Variants in AVEN observed in about 807,000 individuals in gnomAD.
The protein encoded by AVEN is apoptosis and caspase activation inhibitor.
AVEN carries 41 observed loss-of-function variants against 38.1 expected under a neutral mutation model. The ratio of observed to expected loss-of-function variants is 1.08; its 90% CI spans 0.84 to 1.40. The LOEUF is 1.40. AVEN is among the 40% of genes most tolerant of loss of function. The pLI is 0.00. For synonymous variants in AVEN, 206 were observed against 171.8 expected (o/e 1.20, Z -1.56); for missense variants, 605 against 438.8 (o/e 1.38, Z -3.38).
chr15:33,864,915 A>AT (rs1889945773), downstream of AVEN: 1 of 501,546 alleles, frequency 2.0e-6, no homozygotes, highest in Non-Finnish European at 3.5e-6. Flanking sequence ...GCAGAGGGGG[A>AT]TTTTTCTCCT....
At chr15:33,857,459 T>TA (rs1342053889), downstream of AVEN, among the ~76,000 whole-genome samples, 1 of 152,118 alleles carries the variant, frequency 6.6e-6, no homozygotes, top group Non-Finnish European at 1.5e-5. Flanking sequence ...TTGAAGGCTG[T>TA]ATCTCCATCT....
intron 2 of AVEN, among the ~76,000 whole-genome samples, chr15:33,990,065 G>A (rs1476255579): frequency 4.0e-5 from 6 of 151,868 alleles, no homozygotes; most frequent in South Asian, 2.1e-4. Flanking sequence ...TTAGCCGGGC[G>A]TGGTGGTGGG....
chr15:33,855,410 G>T (rs950796675), downstream of AVEN, among the ~76,000 whole-genome samples: 1 of 152,190 alleles, frequency 6.6e-6, no homozygotes, highest in Admixed American at 6.5e-5. Flanking sequence ...CACCATGTTG[G>T]CCAGGCTGGT....
chr15:34,014,367 T>TTA (rs1555516100), intron 1 of AVEN, among the ~76,000 whole-genome samples: 1 of 13,576 alleles, frequency 7.4e-5, no homozygotes, highest in African/African-American at 1.7e-4. Flanking sequence ...TCCATCTCAT[T>TTA]AAAAAAAAAA....
intron 1 of AVEN, among the ~76,000 whole-genome samples, chr15:34,006,085 G>GCAGATGA (rs1897325758): frequency 6.6e-6 from 1 of 152,230 alleles, no homozygotes; most frequent in South Asian, 2.1e-4. Context: ...GCCGAGGAGG[G>GCAGATGA]CAGATCACAA....
rs137895475 is a variant in AVEN at position 33,909,259 on chromosome 15, C to T, written c.446-33264G>A. ...CAGGAAAGCAAAAGCACCTTTACTT[C>T]CAACACCCAAGTGTGGCACAGGCTG... On this transcript the variant is annotated intron_variant, in intron 2 of 5. Coordinates refer to ENST00000306730, the MANE Select transcript of AVEN (RefSeq NM_020371.3). 3.3e-3 allele frequency among the ~76,000 whole-genome samples: 501 copies of T among 152,280 alleles called. 2 individuals carry two copies. The highest frequency in any genetic ancestry group is 6.0e-3 in the Non-Finnish European group (407 of 68,018).
intron 11 of AVEN, chr15:33,860,711 C>G: frequency 1.5e-6 from 2 of 1,307,194 alleles, no homozygotes; most frequent in Non-Finnish European, 2.1e-6. Context: ...TCCCCAGAAG[C>G]AAATAGATTT....
chr15:33,940,887 T>C (rs1168568929), intron 2 of AVEN, among the ~76,000 whole-genome samples: 1 of 152,202 alleles, frequency 6.6e-6, no homozygotes, highest in Non-Finnish European at 1.5e-5. Flanking sequence ...TTCAACCTCA[T>C]CTGAACCATA....
At chr15:33,875,142 C>T (rs768900025) in intron 3 of AVEN, among the ~76,000 whole-genome samples, 19 of 152,142 alleles carry the variant, frequency 1.2e-4, no homozygotes, top group Non-Finnish European at 1.9e-4. Flanking sequence ...ACAGCACATA[C>T]GCTGATGTGG....
intron 2 of AVEN, among the ~76,000 whole-genome samples, chr15:33,933,524 C>CACACACAGAGAGAGAG (rs1893945145): frequency 4.3e-5 from 2 of 46,650 alleles, no homozygotes; most frequent in African/African-American, 7.1e-5. Flanking sequence ...CACACACACA[C>CACACACAGAGAGAGAG]AGAGAGAGAG....
chr15:34,051,314 C>A (rs950376126), intron 5 of AVEN, among the ~76,000 whole-genome samples: 3 of 151,936 alleles, frequency 2.0e-5, no homozygotes, highest in Non-Finnish European at 4.4e-5. Flanking sequence ...GGACAAAGTA[C>A]CAAAATTTCT....
At chr15:33,945,313 G>A (rs1181855399) in intron 2 of AVEN, among the ~76,000 whole-genome samples, 2 of 152,164 alleles carry the variant, frequency 1.3e-5, no homozygotes, top group Non-Finnish European at 2.9e-5. Flanking sequence ...GGCATTATGG[G>A]AAAAGCTGCT....
intron 2 of AVEN, among the ~76,000 whole-genome samples, chr15:33,946,774 G>A (rs924401183): frequency 1.3e-5 from 2 of 152,212 alleles, no homozygotes; most frequent in African/African-American, 4.8e-5. Context: ...AGAGGGTACA[G>A]CAAAGTAGCT....
At chr15:33,917,351 GGT>G (rs148147589) in intron 2 of AVEN, among the ~76,000 whole-genome samples, 6,083 of 140,218 alleles carry the variant, frequency 0.043, 446 homozygotes, top group African/African-American at 0.15. Context: ...AAGAAAATGT[GGT>G]GTGTGTGTGT....
intron 2 of AVEN, among the ~76,000 whole-genome samples, chr15:33,952,859 A>AG (rs2140453568): frequency 8.2e-6 from 1 of 122,232 alleles, no homozygotes; most frequent in South Asian, 3.2e-4. Flanking sequence ...GGCTAAAGAG[A>AG]AAAAAAAAAA....
intron 1 of AVEN, among the ~76,000 whole-genome samples, chr15:34,013,776 G>A (rs1897741418): frequency 6.6e-6 from 1 of 152,182 alleles, no homozygotes; most frequent in Non-Finnish European, 1.5e-5. Flanking sequence ...TCAGGACCAG[G>A]CTTGTGAGCC....
At chr15:33,865,035 AG>A, downstream of AVEN, 1 of 823,014 alleles carries the variant, frequency 1.2e-6, no homozygotes, top group Non-Finnish European at 2.0e-6. Flanking sequence ...AATTCACATC[AG>A]TCTTCCTAAA....
intron 2 of AVEN, among the ~76,000 whole-genome samples, chr15:33,966,676 G>A (rs1895399080): frequency 2.2e-5 from 3 of 135,348 alleles, no homozygotes; most frequent in Non-Finnish European, 4.9e-5. Flanking sequence ...AGAGTGAGAA[G>A]AGACAGAGAA....
chr15:33,952,958 C>T (rs985875931), intron 2 of AVEN, among the ~76,000 whole-genome samples: 11 of 151,828 alleles, frequency 7.2e-5, no homozygotes, highest in African/African-American at 2.4e-4. Context: ...GATACAAAAT[C>T]AGTGTGCAAA....
Sources: gnomAD v4.1 joint callset for allele counts (sites outside exome capture counted in the v4.1 genomes callset) on GRCh38, gnomAD v4.1.1 for gene constraint, MANE v1.5 for transcripts, NCBI Gene and HGNC (gene_info 2026-07-23, HGNC 2026-07-21) for gene names.